The following SVIL variants were observed in gnomAD, a reference collection of about 807,000 sequenced individuals.
SVIL encodes the protein supervillin.
Under a neutral mutation model 240.4 loss-of-function variants are expected in SVIL, and 101 were observed. The ratio of observed to expected loss-of-function variants is 0.42; its 90% confidence interval spans 0.36 to 0.50. SVIL has a LOEUF of 0.50. Among genes scored for constraint, SVIL ranks in the 20% least tolerant of loss-of-function variants. The pLI is 0.01. For synonymous variants in SVIL, 999 were observed against 1,100.0 expected, an observed-to-expected ratio of 0.91 and a Z score of 1.82; for missense variants, 2,512 against 2,818.7, an observed-to-expected ratio of 0.89 and a Z score of 2.46.
At chr10:29,556,344 G>A (rs555137513) in intron 3 of SVIL, among the ~76,000 whole-genome samples, 1 of 152,298 alleles carries the variant, frequency 6.6e-6, no homozygotes, top group East Asian at 1.9e-4. Context: ...CTGAGTCACA[G>A]GAGAAACTCA....
At chr10:29,590,443 C>T (rs1159273331) in intron 1 of SVIL, among the ~76,000 whole-genome samples, 13 of 152,120 alleles carry the variant, frequency 8.5e-5, no homozygotes, top group Admixed American at 3.9e-4. Context: ...GACATTAAAA[C>T]GGTGCCAACC....
chr10:29,474,594 C>CAAATAAAT (rs59193522), intron 29 of SVIL, among the ~76,000 whole-genome samples: 37 of 140,218 alleles, frequency 2.6e-4, no homozygotes, highest in South Asian at 9.7e-4. Flanking sequence ...GACTCTCTTA[C>CAAATAAAT]AAATAAATAA....
At chr10:29,539,458 CAAGT>C (rs1483466784) in intron 6 of SVIL, among the ~76,000 whole-genome samples, 1 of 152,122 alleles carries the variant, frequency 6.6e-6, no homozygotes, top group Non-Finnish European at 1.5e-5. Flanking sequence ...AGCATTTCTC[CAAGT>C]AAGGGTTTCA....
intron 1 of SVIL, among the ~76,000 whole-genome samples, chr10:29,691,916 G>A (rs906126359): frequency 1.3e-5 from 2 of 152,148 alleles, no homozygotes; most frequent in Admixed American, 1.3e-4. Flanking sequence ...AAGGAAAACA[G>A]ATGAGCTGCT....
chr10:29,619,156 G>A (rs1957534972), intron 1 of SVIL, among the ~76,000 whole-genome samples: 1 of 152,122 alleles, frequency 6.6e-6, no homozygotes, highest in African/African-American at 2.4e-5. Flanking sequence ...AAGTCATTAT[G>A]CGCAAAAAAA....
intron 1 of SVIL, among the ~76,000 whole-genome samples, chr10:29,688,300 C>T (rs1961244652): frequency 6.6e-6 from 1 of 152,222 alleles, no homozygotes; most frequent in Non-Finnish European, 1.5e-5. Context: ...TCTCTGGAGA[C>T]GGTTGGTCTG....
In SVIL at chr10:29,539,208, G is replaced by A. The variant is rs1003383692; in HGVS notation, c.828-3139C>T. Among the ~76,000 whole-genome samples the A allele has an allele frequency of 2.3e-3, 333 of 146,582 alleles. 1 individual carries two copies. The highest frequency in any genetic ancestry group is 8.0e-3 in the African/African-American group (317 of 39,676). ...ATAAATAAATAAATAAACAAACAAA[G>A]TATGTGAAGGCATCATGCCTAGGAC... On this transcript the variant is annotated intron_variant, in intron 6 of 37. Coordinates refer to ENST00000355867, the MANE Select transcript of SVIL (RefSeq NM_021738.3).
intron 1 of SVIL, among the ~76,000 whole-genome samples, chr10:29,590,098 G>A (rs1439930100): frequency 4.0e-5 from 6 of 149,516 alleles, no homozygotes; most frequent in South Asian, 4.2e-4. Context: ...CCTGGGAGGC[G>A]GAGGTTGCAG....
chr10:29,505,154 C>T (rs1949176843), intron 17 of SVIL, among the ~76,000 whole-genome samples: 1 of 152,162 alleles, frequency 6.6e-6, no homozygotes, highest in Non-Finnish European at 1.5e-5. Context: ...GAAACCCCAT[C>T]TCTACTAAAA....
intron 1 of SVIL, among the ~76,000 whole-genome samples, chr10:29,582,413 C>A (rs191799675): frequency 3.0e-4 from 46 of 152,190 alleles, no homozygotes; most frequent in African/African-American, 1.1e-3. Flanking sequence ...CCACAAAGGG[C>A]TCTTAAACAA....
intron 21 of SVIL, among the ~76,000 whole-genome samples, chr10:29,491,936 A>G (rs1335885371): frequency 6.6e-6 from 1 of 152,258 alleles, no homozygotes; most frequent in Non-Finnish European, 1.5e-5. Context: ...GTAGGAAATT[A>G]AAACATGCAA....
rs868676764 is a variant in SVIL, at chr10:29,726,475, G to A, written c.-400+9276C>T. On this transcript the variant is annotated intron_variant, in intron 1 of 35. Coordinates refer to the SVIL transcript ENST00000375400. The stretch of plus-strand genomic sequence containing the variant: ...AGCTGTGCTAACTGTGGCCGGGCAC[G>A]GTGGCTCATGCCTGCAATCCCAGCA... Among the ~76,000 whole-genome samples, 39 of 152,216 alleles carry A rather than the reference G, an allele frequency of 2.6e-4. No homozygotes were observed. In the Middle Eastern group the frequency reaches 0.01, roughly 40 times the overall value.
intron 15 of SVIL, 23 bp from the exon 16 acceptor site, chr10:29,522,658 C>A (rs369704322): frequency 9.0e-5 from 145 of 1,607,776 alleles, no homozygotes; most frequent in Non-Finnish European, 1.1e-4. Context: ...AGAGCAACAT[C>A]AGCACTGAAC....
chr10:29,531,445 G>A (rs561860728), intron 9 of SVIL, among the ~76,000 whole-genome samples, 157 bp from the exon 10 acceptor site: 1 of 152,370 alleles, frequency 6.6e-6, no homozygotes, highest in South Asian at 2.1e-4. Context: ...CACACATACA[G>A]TTGTGAAGCA....
chr10:29,630,852 A>G (rs1589424078), intron 1 of SVIL, among the ~76,000 whole-genome samples: 1 of 152,142 alleles, frequency 6.6e-6, no homozygotes, highest in East Asian at 1.9e-4. Flanking sequence ...TTTCGATATG[A>G]AGAACCCACA....
At chr10:29,622,935 T>C (rs1045575051) in intron 1 of SVIL, among the ~76,000 whole-genome samples, 18 of 152,170 alleles carry the variant, frequency 1.2e-4, no homozygotes, top group African/African-American at 4.3e-4. Context: ...GATCTTCAAA[T>C]CCATAATTCA....
rs752245617 is a variant in SVIL, at chr10:29,523,837, A to G, written c.2777T>C (p.Leu926Pro). Residue 926 changes from leucine to proline, a missense_variant, in exon 15 of 38, where the codon CTG (leucine) becomes CCG (proline). Transcript: ENST00000355867. Reference protein sequence around the residue: ...ENSDSPVRSILKSQAWQPLVE... With the variant: ...ENSDSPVRSIPKSQAWQPLVE... ...CAAAGGCTGCCAAGCTTGCGATTTC[A>G]GAATGCTTCTAACTGGAGAGTCCGA... 3 of 1,614,202 alleles carry G rather than the reference A, an allele frequency of 1.9e-6. No homozygotes were observed. The South Asian group carries it at 3.3e-5, about 18-fold the overall frequency.
Position 29,493,126 on chromosome 10 carries a change from C to A in SVIL, c.4019+88G>T, listed in dbSNP as rs138864422. 2,622 of 1,423,096 alleles carry A rather than the reference C, an allele frequency of 1.8e-3. 46 individuals carry two copies. In the African/African-American group the frequency reaches 0.033, roughly 18 times the overall value. 88.2% of individuals were successfully genotyped at this position (1,423,096 alleles called of 1,614,324 possible). A position where few individuals can be genotyped will look rare whatever the true frequency, so the allele number is the denominator to read the frequency against. On this transcript the variant is annotated intron_variant, in intron 21 of 37. Transcript: ENST00000355867. ...TGGAGTTAGAAGGAGAAGGAGGCCA[C>A]ACTGGGGGAAAAGCCTCATGGATGT...
intron 17 of SVIL, among the ~76,000 whole-genome samples, chr10:29,506,657 GGAGGGAGGGGACAGAGGCCCTAT>G (rs1244956167): frequency 5.1e-4 from 46 of 90,956 alleles, no homozygotes; most frequent in East Asian, 9.7e-4. Flanking sequence ...CAGAGGCCCT[GGAGGGAGGGGACAGAGGCCCTAT>G]GAGGGAGGGG....
Sources: allele counts gnomAD v4.1 joint callset (sites outside exome capture counted in the v4.1 genomes callset), GRCh38; gene constraint gnomAD v4.1.1; transcripts MANE v1.5; gene names NCBI Gene and HGNC (gene_info 2026-07-23, HGNC 2026-07-21).